The following MYOF variants were observed in gnomAD, a reference collection of about 807,000 sequenced individuals.
MYOF encodes the protein myoferlin, also known as fer-1-like 3, myoferlin.
Under a neutral mutation model 284.2 loss-of-function variants are expected in MYOF, and 244 were observed. The ratio of observed to expected loss-of-function variants is 0.86; its 90% confidence interval spans 0.77 to 0.95. The LOEUF is 0.95. Among genes scored for constraint, MYOF ranks in the 40% least tolerant of loss-of-function variants. The pLI, the probability that MYOF is intolerant of heterozygous loss-of-function variation, is 0.00. For missense variants in MYOF, 2,496 were observed against 2,560.6 expected (o/e 0.97, Z 0.54); for synonymous variants, 904 against 919.7 (o/e 0.98, Z 0.31).
In MYOF at chr10:93,328,779, G is replaced by C. The variant is rs766516615; in HGVS notation, c.5115C>G (p.Tyr1705Ter). Residue 1705 changes from tyrosine (Y) to a stop codon, truncating the protein, a stop_gained, in exon 45 of 54, where the codon TAC becomes TAG. Coordinates refer to ENST00000359263, the MANE Select transcript of MYOF (RefSeq NM_013451.4). LOFTEE classifies it high-confidence loss of function. ...GGTGCTCACCAAATTCATCCAAGCT[G>C]TAGTCTCGTCCTCCATATCTGATTC... is the stretch of plus-strand genomic sequence containing the variant. ...GSRIRYGGRD[Y>*]SLDEFEANKI... 5.6e-6 allele frequency: 9 copies of C among 1,612,270 alleles called. No individual in the cohort carries two copies. In the African/African-American group the frequency reaches 1.2e-4, roughly 22 times the overall value.
intron 26 of MYOF, among the ~76,000 whole-genome samples, chr10:93,365,303 T>C (rs1044053646): frequency 1.3e-5 from 2 of 152,366 alleles, no homozygotes; most frequent in African/African-American, 2.4e-5. Context: ...TGTCATAAGA[T>C]GGCAAGAAGA....
At chr10:93,427,331 GACCAGC>G (rs1848639396) in intron 4 of MYOF, among the ~76,000 whole-genome samples, 1 of 151,554 alleles carries the variant, frequency 6.6e-6, no homozygotes, top group Non-Finnish European at 1.5e-5. Context: ...AGGAGTTTGA[GACCAGC>G]TTGGCCAACA....
intron 5 of MYOF, 112 bp from the exon 6 acceptor site, chr10:93,409,851 AAG>A: frequency 2.3e-6 from 3 of 1,329,686 alleles, no homozygotes; most frequent in Admixed American, 4.4e-5. Flanking sequence ...AGTGTTCCTA[AAG>A]TGGCAGGTGA....
At chr10:93,435,732 A>T (rs983002215) in intron 3 of MYOF, among the ~76,000 whole-genome samples, 7 of 152,058 alleles carry the variant, frequency 4.6e-5, no homozygotes, top group Admixed American at 3.3e-4. Flanking sequence ...AAGCTGAGGT[A>T]GGAGGATCAC....
At chr10:93,402,498 T>A (rs569020359) in intron 10 of MYOF, 151 bp from the exon 11 acceptor site, 31 of 656,548 alleles carry the variant, frequency 4.7e-5, no homozygotes, top group Non-Finnish European at 7.6e-5. Context: ...TCACGTCTTC[T>A]GTTTTGTACT....
intron 1 of MYOF, chr10:93,478,114 C>A: frequency 4.2e-6 from 1 of 238,364 alleles, no homozygotes; most frequent in Non-Finnish European, 8.1e-6. Context: ...CTTATGTCTA[C>A]ATGCATTTTT....
At chr10:93,350,046 T>A in intron 35 of MYOF, 77 bp from the exon 36 acceptor site, 1 of 1,368,904 alleles carries the variant, frequency 7.3e-7, no homozygotes, top group Non-Finnish European at 1.0e-6. Flanking sequence ...AATTCTGTCT[T>A]AATTACTGGC....
At chr10:93,341,908 C>T (rs1843937070) in intron 38 of MYOF, 1 of 1,289,222 alleles carries the variant, frequency 7.8e-7, no homozygotes, top group Non-Finnish European at 1.0e-6. Context: ...GCTTATCATA[C>T]ATACATGCAC....
At chr10:93,329,569 C>G in intron 44 of MYOF, 95 bp downstream of exon 44, 1 of 1,298,304 alleles carries the variant, frequency 7.7e-7, no homozygotes, top group Non-Finnish European at 1.1e-6. Flanking sequence ...AGCAGTGGCT[C>G]AGTGAAGGAA....
At chr10:93,427,676 G>A (rs938818633) in intron 4 of MYOF, among the ~76,000 whole-genome samples, 1 of 151,890 alleles carries the variant, frequency 6.6e-6, no homozygotes, top group African/African-American at 2.4e-5. Context: ...TGCCATTTCT[G>A]TTGCATAATC....
intron 21 of MYOF, among the ~76,000 whole-genome samples, chr10:93,378,054 T>C (rs190639177): frequency 6.6e-6 from 1 of 152,316 alleles, no homozygotes; most frequent in East Asian, 1.9e-4. Context: ...TATACCCAGA[T>C]TTTGTTTCTA....
intron 49 of MYOF, among the ~76,000 whole-genome samples, chr10:93,317,711 A>G (rs1842675983): frequency 6.6e-6 from 1 of 152,130 alleles, no homozygotes; most frequent in South Asian, 2.1e-4. Flanking sequence ...CTCATGCTAG[A>G]GGTAGGTTGA....
chr10:93,359,818 C>T lies in MYOF; in HGVS notation c.3120+15G>A. The T allele has an allele frequency of 6.2e-7, 1 of 1,613,982 alleles. No homozygotes were observed. Among genetic ancestry groups the T allele is most frequent in the African/African-American group, 1.3e-5 (1 of 75,050 alleles). The stretch of plus-strand genomic sequence containing the variant: ...AGAGCTCCCCAGTCCAGCTCCCTTC[C>T]CTTGCTTCTCTTACCCTTGCGGTGC... On this transcript the variant is annotated intron_variant, in intron 29 of 53. Coordinates refer to ENST00000359263, the MANE Select transcript of MYOF (RefSeq NM_013451.4).
At chr10:93,378,693 G>GTATATATATA (rs66859494) in intron 21 of MYOF, among the ~76,000 whole-genome samples, 8,367 of 87,938 alleles carry the variant, frequency 0.095, 654 homozygotes, top group Middle Eastern at 0.13. Flanking sequence ...GTGTGTGTGT[G>GTATATATATA]TATATATATA....
chr10:93,343,749 G>T, intron 38 of MYOF, 107 bp downstream of exon 38: 3 of 1,158,338 alleles, frequency 2.6e-6, no homozygotes, highest in Non-Finnish European at 3.9e-6. Flanking sequence ...ATTGGCTGAT[G>T]ATTATAATTG....
chr10:93,430,996 G>T (rs904615963), intron 4 of MYOF, among the ~76,000 whole-genome samples: 5 of 148,192 alleles, frequency 3.4e-5, no homozygotes, highest in African/African-American at 7.5e-5. Context: ...TTACCAATTG[G>T]TTCTGACAAT....
Position 93,389,050 on chromosome 10 carries a change from C to G in MYOF, c.1561G>C (p.Asp521His), listed in dbSNP as rs780292039. 51 of 1,613,942 alleles carry G rather than the reference C, an allele frequency of 3.2e-5. No homozygotes were observed. Among genetic ancestry groups the G allele is most frequent in the Admixed American group, 5.0e-5 (3 of 59,984 alleles). ...REYTGFPDPY[D>H]ELNTGKGEGV... The stretch of plus-strand genomic sequence containing the variant: ...CCAACCTTTCCAGTATTCAGCTCAT[C>G]ATAGGGGTCTGGGAATCCCGTGTAC... Residue 521 changes from aspartate to histidine, a missense_variant, in exon 18 of 54, where the codon GAT becomes CAT. Physicochemically the swap from Asp to His is moderately conservative, Grantham distance 81. Coordinates refer to ENST00000359263, the MANE Select transcript of MYOF (RefSeq NM_013451.4).
intron 4 of MYOF, among the ~76,000 whole-genome samples, chr10:93,426,504 A>G (rs1054127481): frequency 5.3e-5 from 8 of 152,212 alleles, no homozygotes; most frequent in Non-Finnish European, 1.2e-4. Context: ...TTACAATTAC[A>G]GAGGGTCACT....
At chr10:93,381,183 TA>T in intron 20 of MYOF, 35 bp downstream of exon 20, 1 of 1,609,508 alleles carries the variant, frequency 6.2e-7, no homozygotes, top group Non-Finnish European at 8.5e-7. Context: ...GCACCCATTG[TA>T]AACGTGTGGA....
Sources: gnomAD v4.1 joint callset for allele counts (sites outside exome capture counted in the v4.1 genomes callset) on GRCh38, gnomAD v4.1.1 for gene constraint, MANE v1.5 for transcripts, NCBI Gene and HGNC (gene_info 2026-07-23, HGNC 2026-07-21) for gene names.